The following ARHGEF3 variants were observed in gnomAD, a reference collection of about 807,000 sequenced individuals.
ARHGEF3 encodes the protein 59.8 kDA protein.
A neutral mutation model predicts 63.2 loss-of-function variants in ARHGEF3; 28 were observed. The ratio of observed to expected loss-of-function variants is 0.44; its 90% CI spans 0.33 to 0.61. The LOEUF is 0.61. Among genes scored for constraint, ARHGEF3 ranks in the 20% least tolerant of loss-of-function variants. The pLI is 0.03. For synonymous variants in ARHGEF3, 266 were observed against 254.2 expected, an observed-to-expected ratio of 1.05 and a Z score of -0.44; for missense variants, 533 against 659.3, an observed-to-expected ratio of 0.81 and a Z score of 2.10.
intron 1 of ARHGEF3, among the ~76,000 whole-genome samples, chr3:57,061,126 A>T (rs531028205): frequency 2.0e-5 from 3 of 151,866 alleles, no homozygotes; most frequent in South Asian, 4.2e-4. Flanking sequence ...TTCAGCGGTA[A>T]CTCCTCCTGC....
chr3:56,747,069 A>G (rs897253889), intron 6 of ARHGEF3, among the ~76,000 whole-genome samples: 1 of 97,722 alleles, frequency 1.0e-5, no homozygotes, highest in Non-Finnish European at 2.2e-5. Context: ...ACACACAGAG[A>G]GAGAGAGAGA....
At chr3:56,765,078 G>C (rs1246251027) in intron 2 of ARHGEF3, among the ~76,000 whole-genome samples, 1 of 152,020 alleles carries the variant, frequency 6.6e-6, no homozygotes, top group African/African-American at 2.4e-5. Flanking sequence ...ATTTACAGTG[G>C]CTTCCAGGAA....
At chr3:56,943,982 G>T (rs896011362) in intron 3 of ARHGEF3, among the ~76,000 whole-genome samples, 5 of 151,264 alleles carry the variant, frequency 3.3e-5, no homozygotes, top group Non-Finnish European at 5.9e-5. Context: ...TTCGAGACCA[G>T]CCTGGCCACA....
At chr3:56,807,045 G>A (rs2037887897) in intron 4 of ARHGEF3, among the ~76,000 whole-genome samples, 1 of 151,914 alleles carries the variant, frequency 6.6e-6, no homozygotes, top group African/African-American at 2.4e-5. Context: ...CACCACGCCC[G>A]GCTAATTTTT....
chr3:56,838,546 A>G (rs186565559), intron 4 of ARHGEF3, among the ~76,000 whole-genome samples: 15 of 152,312 alleles, frequency 9.8e-5, no homozygotes, highest in Non-Finnish European at 1.6e-4. Flanking sequence ...TTCTTTCCAT[A>G]ATTCTAAGAA....
chr3:57,073,711 T>C, intron 1 of ARHGEF3: 1 of 1,613,954 alleles, frequency 6.2e-7, no homozygotes, highest in Non-Finnish European at 8.5e-7. Context: ...AGTTCTGCTC[T>C]GACTTGTGGG....
intron 4 of ARHGEF3, among the ~76,000 whole-genome samples, chr3:56,838,665 C>T (rs1378388226): frequency 1.3e-5 from 2 of 152,172 alleles, no homozygotes; most frequent in African/African-American, 2.4e-5. Context: ...CAACAGCTGA[C>T]AGCTTAGTAA....
In ARHGEF3 at chr3:56,835,726, C is replaced by A. The variant is rs538195335; in HGVS notation, c.192+46566G>T. Among the ~76,000 whole-genome samples the A allele has an allele frequency of 2.0e-5, 3 of 152,150 alleles. No individual in the cohort carries two copies. The South Asian group carries it at 6.2e-4, about 32-fold the overall frequency. On this transcript the variant is annotated intron_variant, in intron 4 of 12. Transcript: ENST00000338458. ...ACTTAAAATGCACCACCTCTCTCCC[C>A]CTTTTCATACGACACAGAACATGAC... is the stretch of plus-strand genomic sequence containing the variant.
chr3:56,744,752 G>A (rs1014731121), intron 7 of ARHGEF3, among the ~76,000 whole-genome samples: 1 of 152,146 alleles, frequency 6.6e-6, no homozygotes. Context: ...TAGTGAGCAG[G>A]AGGTTTGACA....
intron 2 of ARHGEF3, among the ~76,000 whole-genome samples, chr3:56,993,546 T>C (rs1051744648): frequency 2.0e-5 from 3 of 151,814 alleles, no homozygotes. Flanking sequence ...AGCTAATTTT[T>C]AAATTTTTTG....
At chr3:56,739,983 T>A (rs2033907814) in intron 7 of ARHGEF3, among the ~76,000 whole-genome samples, 1 of 151,510 alleles carries the variant, frequency 6.6e-6, no homozygotes, top group Admixed American at 6.6e-5. Context: ...CACTGCAACC[T>A]CCGCCTCCTG....
Position 57,039,556 on chromosome 3 carries a change from G to A in ARHGEF3, c.-27-4380C>T, listed in dbSNP as rs746829629. ...CTTAGTGACTTAAAACAGCACAAATGTATCTCCTCTCATAGCAATGTAGGT... is the reference window on the plus strand; with the variant it reads ...CTTAGTGACTTAAAACAGCACAAATATATCTCCTCTCATAGCAATGTAGGT... On this transcript the variant is annotated intron_variant, in intron 1 of 12. Coordinates refer to the ARHGEF3 transcript ENST00000338458. Among the ~76,000 whole-genome samples, 101 of 152,264 alleles carry A rather than the reference G, an allele frequency of 6.6e-4. 1 individual carries two copies. The highest frequency in any genetic ancestry group is 3.4e-3 in the Middle Eastern group (1 of 294).
At chr3:56,973,631 G>A (rs185437242) in intron 2 of ARHGEF3, among the ~76,000 whole-genome samples, 5 of 152,216 alleles carry the variant, frequency 3.3e-5, no homozygotes, top group East Asian at 1.9e-4. Context: ...GGGACAACGC[G>A]GAGGCCAAGT....
Position 57,003,693 on chromosome 3 carries a change from A to C in ARHGEF3, c.62+31395T>G, listed in dbSNP as rs191869691. 3.0e-4 allele frequency among the ~76,000 whole-genome samples: 45 copies of C among 152,190 alleles called. 1 individual carries two copies. The highest frequency in any genetic ancestry group is 2.6e-4 in the Non-Finnish European group (18 of 68,040). ...ATCGTGGATTCTCCAGGTGGGCCCA[A>C]TGTGGTCAAAAGGGACCCTCTGACA... On this transcript the variant is annotated intron_variant, in intron 2 of 12. Transcript: ENST00000338458.
intron 3 of ARHGEF3, among the ~76,000 whole-genome samples, chr3:56,930,051 C>A (rs550929641): frequency 3.3e-5 from 5 of 152,180 alleles, no homozygotes; most frequent in African/African-American, 7.2e-5. Context: ...ACCAGCCCCC[C>A]CCTCCCACCA....
At chr3:56,772,409 C>T (rs572627796) in intron 2 of ARHGEF3, among the ~76,000 whole-genome samples, 34 of 152,290 alleles carry the variant, frequency 2.2e-4, no homozygotes, top group African/African-American at 7.2e-4. Flanking sequence ...CAGCATGAGG[C>T]ATGCCTTGGG....
At chr3:56,732,154 T>C in intron 9 of ARHGEF3, 84 bp downstream of exon 9, 1 of 1,526,716 alleles carries the variant, frequency 6.6e-7, no homozygotes, top group Non-Finnish European at 8.9e-7. Flanking sequence ...GACCGTGGCT[T>C]TTCTCTTTCC....
intron 1 of ARHGEF3, among the ~76,000 whole-genome samples, chr3:57,052,836 C>T (rs1326306810): frequency 6.6e-6 from 1 of 152,158 alleles, no homozygotes; most frequent in Non-Finnish European, 1.5e-5. Flanking sequence ...AAGCAGAAAG[C>T]CAGAGACCAT....
chr3:56,775,157 T>C (rs2036224583), intron 1 of ARHGEF3: 1 of 1,534,482 alleles, frequency 6.5e-7, no homozygotes, highest in Non-Finnish European at 8.8e-7. Flanking sequence ...TTTTCAGCCA[T>C]TGCTTTCAAA....
Sources: allele counts gnomAD v4.1 joint callset (sites outside exome capture counted in the v4.1 genomes callset), GRCh38; gene constraint gnomAD v4.1.1; transcripts MANE v1.5; gene names NCBI Gene and HGNC (gene_info 2026-07-23, HGNC 2026-07-21).